Variants in NELL2 observed in about 807,000 individuals in gnomAD.
The protein encoded by NELL2 is protein kinase C-binding protein NELL2.
A neutral mutation model predicts 109.6 loss-of-function variants in NELL2; 41 were observed. That is an observed-to-expected ratio of 0.37 (90% CI 0.29 to 0.49). The LOEUF is 0.49. Ranked by LOEUF, NELL2 falls within the 20% of genes least tolerant of loss-of-function variation. The probability of loss-of-function intolerance (pLI) is 0.98; values close to 1 mark genes in which losing one functional copy is unlikely to be tolerated. For synonymous variants in NELL2, 355 were observed against 344.7 expected (o/e 1.03, Z -0.33); for missense variants, 900 against 1,008.3 (o/e 0.89, Z 1.45).
At chr12:44,818,515 G>A (rs1034396380) in intron 2 of NELL2, among the ~76,000 whole-genome samples, 4 of 152,102 alleles carry the variant, frequency 2.6e-5, no homozygotes, top group African/African-American at 9.7e-5. Flanking sequence ...CAAAGAGATA[G>A]AGCTCTTACA....
At chr12:44,513,231 C>G (rs539350156) in intron 19 of NELL2, among the ~76,000 whole-genome samples, 3 of 152,002 alleles carry the variant, frequency 2.0e-5, no homozygotes, top group Non-Finnish European at 2.9e-5. Context: ...ACAGACCCCC[C>G]CTAACTGGTG....
chr12:44,525,224 CT>C (rs903229453), intron 16 of NELL2, among the ~76,000 whole-genome samples: 5 of 152,150 alleles, frequency 3.3e-5, no homozygotes, highest in Admixed American at 6.5e-5. Context: ...TCAGATAATA[CT>C]TTTTTCCCCC....
intron 9 of NELL2, among the ~76,000 whole-genome samples, chr12:44,728,875 A>G (rs1226184409): frequency 6.6e-6 from 1 of 152,172 alleles, no homozygotes; most frequent in Non-Finnish European, 1.5e-5. Context: ...TACTATACAT[A>G]GCCAAACTGT....
At chr12:44,800,662 C>T (rs1297198319) in intron 3 of NELL2, among the ~76,000 whole-genome samples, 2 of 152,138 alleles carry the variant, frequency 1.3e-5, no homozygotes, top group Non-Finnish European at 2.9e-5. Flanking sequence ...TGGCTTCCAA[C>T]CTTTCTCTTA....
chr12:44,602,085 G>T (rs1229569310), intron 15 of NELL2, among the ~76,000 whole-genome samples: 1 of 152,162 alleles, frequency 6.6e-6, no homozygotes, highest in Non-Finnish European at 1.5e-5. Context: ...TTTGGTGAGA[G>T]TGCTTTTTGT....
intron 2 of NELL2, among the ~76,000 whole-genome samples, chr12:44,816,619 A>T (rs1210054628): frequency 1.3e-5 from 2 of 152,222 alleles, no homozygotes; most frequent in East Asian, 3.8e-4. Context: ...CTTCAGCCAG[A>T]AGGTTTGCTA....
chr12:44,815,256 C>G (rs1195128045), intron 3 of NELL2, among the ~76,000 whole-genome samples: 5 of 152,132 alleles, frequency 3.3e-5, no homozygotes, highest in African/African-American at 4.8e-5. Context: ...TAGTAGACAC[C>G]ATTTTTATAC....
intron 11 of NELL2, among the ~76,000 whole-genome samples, chr12:44,711,077 C>T (rs776387038): frequency 3.9e-5 from 6 of 152,074 alleles, no homozygotes; most frequent in Non-Finnish European, 8.8e-5. Context: ...AGACAACTTG[C>T]AGAAATGCAC....
intron 13 of NELL2, among the ~76,000 whole-genome samples, chr12:44,626,814 T>C (rs774122274): frequency 5.9e-5 from 9 of 152,172 alleles, no homozygotes; most frequent in Non-Finnish European, 1.0e-4. Flanking sequence ...TTATCTTTAC[T>C]TCCAGTCCAG....
At chr12:44,583,532 G>T (rs373379557) in intron 15 of NELL2, among the ~76,000 whole-genome samples, 1 of 152,048 alleles carries the variant, frequency 6.6e-6, no homozygotes, top group African/African-American at 2.4e-5. Context: ...ATAAATAAAA[G>T]AAACTACAAA....
chr12:44,885,610 C>G (rs1238546786), intron 1 of NELL2, among the ~76,000 whole-genome samples: 1 of 151,712 alleles, frequency 6.6e-6, no homozygotes, highest in East Asian at 1.9e-4. Flanking sequence ...AACTATAGAA[C>G]TTTGCTGAGT....
chr12:44,612,861 G>T (rs1224173839), intron 13 of NELL2, among the ~76,000 whole-genome samples: 1 of 151,992 alleles, frequency 6.6e-6, no homozygotes, highest in Non-Finnish European at 1.5e-5. Flanking sequence ...GGTAGAGAAA[G>T]GACCTAACAA....
intron 12 of NELL2, among the ~76,000 whole-genome samples, chr12:44,694,605 T>C (rs1383148506): frequency 1.6e-5 from 2 of 122,026 alleles, no homozygotes; most frequent in Admixed American, 8.5e-5. Flanking sequence ...ATCCTTAGAC[T>C]TTTTTTTTTT....
chr12:44,749,865 C>A (rs1219218480), intron 9 of NELL2, among the ~76,000 whole-genome samples: 1 of 152,040 alleles, frequency 6.6e-6, no homozygotes, highest in African/African-American at 2.4e-5. Context: ...TACGTAAAAC[C>A]TGTCACTTAG....
At chr12:44,762,508 T>C (rs17653542) in intron 9 of NELL2, among the ~76,000 whole-genome samples, 12,754 of 152,236 alleles carry the variant, frequency 0.084, 636 homozygotes, top group Non-Finnish European at 0.095. Context: ...CAGACCTGTC[T>C]TGCCTAAAAT....
chr12:44,886,816 C>G (rs1945478727), intron 1 of NELL2, among the ~76,000 whole-genome samples: 1 of 151,976 alleles, frequency 6.6e-6, no homozygotes, highest in African/African-American at 2.4e-5. Flanking sequence ...CCTCCCCTCC[C>G]CGCTAAACTT....
chr12:44,551,562 C>T (rs763067206), intron 15 of NELL2, among the ~76,000 whole-genome samples: 12 of 152,132 alleles, frequency 7.9e-5, no homozygotes, highest in Admixed American at 2.6e-4. Context: ...TCTCAATGGC[C>T]TTCTCCTCTC....
At chr12:44,559,659 G>A (rs1037537226) in intron 15 of NELL2, among the ~76,000 whole-genome samples, 2 of 152,144 alleles carry the variant, frequency 1.3e-5, no homozygotes, top group African/African-American at 4.8e-5. Context: ...CCCAATACAG[G>A]AGCACCCAGA....
At chr12:44,813,668 A>G (rs982052098) in intron 3 of NELL2, among the ~76,000 whole-genome samples, 2 of 152,206 alleles carry the variant, frequency 1.3e-5, no homozygotes, top group African/African-American at 4.8e-5. Flanking sequence ...AGACAAAAGG[A>G]CTGGATTAAA....
Sources: gnomAD v4.1 joint callset for allele counts (sites outside exome capture counted in the v4.1 genomes callset) on GRCh38, gnomAD v4.1.1 for gene constraint, MANE v1.5 for transcripts, NCBI Gene and HGNC (gene_info 2026-07-23, HGNC 2026-07-21) for gene names.